Variants in CCN5 observed in about 807,000 individuals in gnomAD.
The protein encoded by CCN5 is cellular communication network factor 5, also known as CCN family member 5.
A neutral mutation model predicts 18.7 loss-of-function variants in CCN5; 17 were observed. The ratio of observed to expected loss-of-function variants is 0.91; its 90% CI spans 0.62 to 1.36. The LOEUF is 1.36. CCN5 is among the 40% of genes most tolerant of loss of function. The pLI, the probability that CCN5 is intolerant of heterozygous loss-of-function variation, is 0.00. For missense variants in CCN5, 367 were observed against 342.9 expected, an observed-to-expected ratio of 1.07 and a Z score of -0.56; for synonymous variants, 135 against 145.2, an observed-to-expected ratio of 0.93 and a Z score of 0.50.
chr20:44,720,411 C>G (rs951555540), intron 2 of CCN5: 4 of 473,116 alleles, frequency 8.5e-6, no homozygotes, highest in Admixed American at 4.1e-5. Context: ...GAAGCCCCCC[C>G]AGATTCTTCA....
At chr20:44,726,111 T>C (rs2065934621) in intron 3 of CCN5, among the ~76,000 whole-genome samples, 1 of 152,180 alleles carries the variant, frequency 6.6e-6, no homozygotes. Context: ...GAGCATCCAC[T>C]TCATAGCGTT....
At chr20:44,718,057 C>T (rs2065872454) in intron 1 of CCN5, among the ~76,000 whole-genome samples, 2 of 152,126 alleles carry the variant, frequency 1.3e-5, no homozygotes, top group African/African-American at 4.8e-5. Context: ...GCTAGGCCAT[C>T]GTCTCTAGAA....
At chr20:44,722,367 C>A (rs78441510) in intron 2 of CCN5, among the ~76,000 whole-genome samples, 1,578 of 152,292 alleles carry the variant, frequency 0.01, 30 homozygotes, top group African/African-American at 0.036. Context: ...TTCCGCCCCC[C>A]AGAACGGCCT....
chr20:44,719,694 C>T (rs2065883837), intron 1 of CCN5, among the ~76,000 whole-genome samples: 1 of 152,192 alleles, frequency 6.6e-6, no homozygotes, highest in Admixed American at 6.5e-5. Context: ...GAACTCTAGT[C>T]CAGAGTCCTT....
Position 44,727,368 on chromosome 20 carries a change from G to A in CCN5, c.*61G>A. ...CCCCAGCTGGTGGCCCTGTGCCTGG[G>A]CCCTGGGCTGATGGAAGATGGTCCG... On this transcript the variant is annotated 3_prime_UTR_variant, in exon 4 of 4. Transcript: ENST00000190983. 3.3e-6 allele frequency: 5 copies of A among 1,523,072 alleles called. No homozygotes were observed. Among genetic ancestry groups the A allele is most frequent in the Non-Finnish European group, 4.4e-6 (5 of 1,132,334 alleles). 94.3% of individuals were successfully genotyped at this position (1,523,072 alleles called of 1,614,324 possible). A position where few individuals can be genotyped will look rare whatever the true frequency, so the allele number is the denominator to read the frequency against.
intron 2 of CCN5, among the ~76,000 whole-genome samples, chr20:44,721,768 G>A (rs966158141): frequency 6.6e-6 from 1 of 152,136 alleles, no homozygotes; most frequent in Admixed American, 6.5e-5. Flanking sequence ...AGACACTGAG[G>A]GTTTCACAAA....
intron 3 of CCN5, 64 bp downstream of exon 3, chr20:44,725,056 G>C: frequency 6.9e-7 from 1 of 1,453,882 alleles, no homozygotes; most frequent in Non-Finnish European, 9.0e-7. Flanking sequence ...CCACCTAGGG[G>C]GTGGGGTGGG....
At chr20:44,716,314 G>A (rs1032096107) in intron 1 of CCN5, among the ~76,000 whole-genome samples, 2 of 152,178 alleles carry the variant, frequency 1.3e-5, no homozygotes, top group Non-Finnish European at 2.9e-5. Context: ...CAAATGCTGA[G>A]TTCCCAGAGC....
At chr20:44,719,811 C>A (rs1021772904) in intron 1 of CCN5, 86 bp from the exon 2 acceptor site, 26 of 1,423,750 alleles carry the variant, frequency 1.8e-5, no homozygotes, top group Non-Finnish European at 2.4e-5. Flanking sequence ...ACCACACTAC[C>A]CAGCCTGGCA....
intron 1 of CCN5, chr20:44,716,577 G>A (rs987202725): frequency 6.6e-6 from 1 of 152,334 alleles, no homozygotes; most frequent in Non-Finnish European, 1.5e-5. Context: ...AGGATTATAC[G>A]AGAACAAAGT....
intron 2 of CCN5, chr20:44,721,493 C>A (rs1600992443): frequency 1.0e-5 from 1 of 99,412 alleles, no homozygotes. Flanking sequence ...GCCCGGGCAA[C>A]AGACCAAACC....
intron 1 of CCN5, among the ~76,000 whole-genome samples, chr20:44,719,526 C>T (rs1342068832): frequency 1.3e-5 from 2 of 152,078 alleles, no homozygotes; most frequent in African/African-American, 2.4e-5. Context: ...TGGTGGTGGG[C>T]GCCTGTAGTC....
At chr20:44,717,551 G>A (rs376843838) in intron 1 of CCN5, among the ~76,000 whole-genome samples, 31 of 152,296 alleles carry the variant, frequency 2.0e-4, no homozygotes, top group African/African-American at 5.5e-4. Flanking sequence ...AGCCTAGACC[G>A]TTTCTATGTG....
chr20:44,715,240 T>TGG, upstream of CCN5: 1 of 531,272 alleles, frequency 1.9e-6, no homozygotes, highest in Non-Finnish European at 3.3e-6. Flanking sequence ...TGTGTGTGTG[T>TGG]GTGTGTGTGT....
intron 2 of CCN5, chr20:44,721,575 T>C (rs1381997370): frequency 6.7e-6 from 1 of 149,948 alleles, no homozygotes; most frequent in Admixed American, 6.6e-5. Flanking sequence ...TTACAAGTAC[T>C]GTAAGGATAA....
chr20:44,716,243 G>A (rs1394989213), intron 1 of CCN5, among the ~76,000 whole-genome samples: 1 of 152,200 alleles, frequency 6.6e-6, no homozygotes, highest in East Asian at 1.9e-4. Flanking sequence ...ACTCCAGTCT[G>A]TGCCTCCCCA....
chr20:44,719,388 C>G (rs1003226870), intron 1 of CCN5, among the ~76,000 whole-genome samples: 2 of 152,230 alleles, frequency 1.3e-5, no homozygotes, highest in Non-Finnish European at 2.9e-5. Flanking sequence ...GGTGCAGTGG[C>G]TCATGCCTAT....
At chr20:44,715,994 G>A (rs192789910) in intron 1 of CCN5, among the ~76,000 whole-genome samples, 24 of 152,290 alleles carry the variant, frequency 1.6e-4, no homozygotes, top group Non-Finnish European at 2.1e-4. Context: ...ATGCTGCATG[G>A]GACATTCACC....
chr20:44,715,796 TG>T (rs1219616057), intron 1 of CCN5, among the ~76,000 whole-genome samples: 5 of 152,208 alleles, frequency 3.3e-5, no homozygotes, highest in African/African-American at 1.2e-4. Flanking sequence ...TCATTATGAA[TG>T]GGGGCACTCA....
Sources: gnomAD v4.1 joint callset for allele counts (sites outside exome capture counted in the v4.1 genomes callset) on GRCh38, gnomAD v4.1.1 for gene constraint, MANE v1.5 for transcripts, NCBI Gene and HGNC (gene_info 2026-07-23, HGNC 2026-07-21) for gene names.